The following TMEM163 variants were observed in gnomAD, a reference collection of about 807,000 sequenced individuals.
TMEM163 encodes the protein transmembrane protein 163.
In TMEM163, 17 loss-of-function variants were observed where a neutral mutation model predicts 29.3. The observed-to-expected ratio is 0.58, with a 90% confidence interval of 0.40 to 0.87. TMEM163 has a LOEUF of 0.87. Ranked by LOEUF, TMEM163 falls within the 40% of genes least tolerant of loss-of-function variation. The probability of loss-of-function intolerance (pLI) is 0.00; values close to 1 mark genes in which losing one functional copy is unlikely to be tolerated. For synonymous variants in TMEM163, 157 were observed against 160.6 expected (o/e 0.98, Z 0.17); for missense variants, 303 against 381.5 (o/e 0.79, Z 1.71).
Position 134,556,719 on chromosome 2 carries a change from G to A in TMEM163, c.323-4628C>T, listed in dbSNP as rs182486049. Among the ~76,000 whole-genome samples, 798 of 152,312 alleles carry A rather than the reference G, an allele frequency of 5.2e-3. 4 individuals carry two copies. The highest frequency in any genetic ancestry group is 0.02 in the South Asian group (95 of 4,822). On this transcript the variant is annotated intron_variant, in intron 2 of 7. Transcript: ENST00000281924. ...ACCTGTAGCCCCAGCTACTCAGGAG[G>A]CTGAGGTGGGAGGATTGCTTGAGCC...
At chr2:134,686,166 G>GA (rs1307627137) in intron 2 of TMEM163, among the ~76,000 whole-genome samples, 1 of 152,188 alleles carries the variant, frequency 6.6e-6, no homozygotes, top group Non-Finnish European at 1.5e-5. Context: ...ACCCCAGCCT[G>GA]ATAAGCCTCT....
intron 2 of TMEM163, among the ~76,000 whole-genome samples, chr2:134,640,069 T>C (rs1475329057): frequency 1.3e-5 from 2 of 152,238 alleles, no homozygotes; most frequent in Admixed American, 1.3e-4. Flanking sequence ...AACAAAGTCC[T>C]AATTTTTAAA....
intron 4 of TMEM163, among the ~76,000 whole-genome samples, chr2:134,548,172 A>T (rs909586242): frequency 2.6e-5 from 4 of 152,248 alleles, no homozygotes; most frequent in African/African-American, 4.8e-5. Flanking sequence ...CAAATATAAT[A>T]TAAGCCACAT....
intron 4 of TMEM163, among the ~76,000 whole-genome samples, chr2:134,530,358 A>G (rs1558935451): frequency 6.6e-6 from 1 of 152,142 alleles, no homozygotes; most frequent in South Asian, 2.1e-4. Context: ...TGTAACCTCA[A>G]TCAACCTCCT....
intron 2 of TMEM163, among the ~76,000 whole-genome samples, chr2:134,620,664 A>C (rs745510726): frequency 3.9e-5 from 6 of 152,220 alleles, no homozygotes; most frequent in Non-Finnish European, 4.4e-5. Flanking sequence ...AGGGAGGAAA[A>C]ATCTTTCATT....
chr2:134,672,286 A>G (rs754018018), intron 2 of TMEM163, among the ~76,000 whole-genome samples: 1 of 152,230 alleles, frequency 6.6e-6, no homozygotes, highest in Non-Finnish European at 1.5e-5. Flanking sequence ...GGCTATGACC[A>G]CATACTATAT....
At chr2:134,570,501 T>TACAC (rs1681398148) in intron 2 of TMEM163, among the ~76,000 whole-genome samples, 2 of 143,876 alleles carry the variant, frequency 1.4e-5, no homozygotes, top group African/African-American at 5.8e-5. Flanking sequence ...TACATATACA[T>TACAC]ATACATATAC....
chr2:134,637,433 T>C (rs1373426952), intron 2 of TMEM163, among the ~76,000 whole-genome samples: 1 of 152,194 alleles, frequency 6.6e-6, no homozygotes, highest in Non-Finnish European at 1.5e-5. Context: ...CAGGATGGGC[T>C]CCAGCCATTC....
intron 5 of TMEM163, among the ~76,000 whole-genome samples, chr2:134,481,378 G>T (rs1403543797): frequency 2.6e-5 from 1 of 39,050 alleles, no homozygotes; most frequent in African/African-American, 6.3e-4. Context: ...ATTGAATCAT[G>T]GGGGGGGGGG....
intron 2 of TMEM163, among the ~76,000 whole-genome samples, chr2:134,692,800 C>T (rs994639848): frequency 7.9e-5 from 12 of 152,190 alleles, no homozygotes; most frequent in African/African-American, 2.7e-4. Context: ...CCTCCAAATA[C>T]CATCACACTG....
At chr2:134,683,446 G>T (rs1380255097) in intron 2 of TMEM163, among the ~76,000 whole-genome samples, 1 of 147,906 alleles carries the variant, frequency 6.8e-6, no homozygotes, top group African/African-American at 2.5e-5. Context: ...AAAAAGAAAA[G>T]AAAATGGAAA....
At chr2:134,630,773 T>C (rs1412162343) in intron 2 of TMEM163, among the ~76,000 whole-genome samples, 2 of 152,178 alleles carry the variant, frequency 1.3e-5, no homozygotes, top group African/African-American at 2.4e-5. Flanking sequence ...CCACCTCCAG[T>C]TCCTCTTCAC....
At chr2:134,456,917 T>A (rs1025402650) in intron 7 of TMEM163, 141 bp from the exon 8 acceptor site, 1 of 826,434 alleles carries the variant, frequency 1.2e-6, no homozygotes, top group African/African-American at 1.7e-5. Flanking sequence ...TTTTAGTATA[T>A]TCATCCATTT....
At chr2:134,507,537 C>G (rs1016269121) in intron 4 of TMEM163, among the ~76,000 whole-genome samples, 3 of 152,024 alleles carry the variant, frequency 2.0e-5, no homozygotes, top group Non-Finnish European at 4.4e-5. Context: ...TTTAATAAGC[C>G]CTTCAGGTGA....
chr2:134,673,465 G>T (rs1267409367), intron 2 of TMEM163, among the ~76,000 whole-genome samples: 1 of 152,116 alleles, frequency 6.6e-6, no homozygotes, highest in African/African-American at 2.4e-5. Flanking sequence ...CCCAAACAGT[G>T]CTCCCCAAAG....
chr2:134,506,120 G>T (rs1679819357), intron 4 of TMEM163, among the ~76,000 whole-genome samples: 1 of 152,188 alleles, frequency 6.6e-6, no homozygotes, highest in Non-Finnish European at 1.5e-5. Context: ...AAAGAAATTT[G>T]TGATTTGGTT....
At chr2:134,672,092 AGT>A (rs1251694093) in intron 2 of TMEM163, among the ~76,000 whole-genome samples, 1 of 152,240 alleles carries the variant, frequency 6.6e-6, no homozygotes, top group African/African-American at 2.4e-5. Flanking sequence ...GATTATAAAA[AGT>A]GTCCTATAAA....
intron 4 of TMEM163, among the ~76,000 whole-genome samples, chr2:134,507,507 C>T (rs192120518): frequency 2.6e-5 from 4 of 152,266 alleles, no homozygotes; most frequent in East Asian, 1.9e-4. Flanking sequence ...ACTCTGGGGA[C>T]GTGGCCCCTC....
intron 2 of TMEM163, among the ~76,000 whole-genome samples, chr2:134,687,359 G>A (rs1684371048): frequency 6.6e-6 from 1 of 152,052 alleles, no homozygotes; most frequent in Admixed American, 6.6e-5. Context: ...GGACCCACAG[G>A]GATCTGTTTT....
Sources: allele counts gnomAD v4.1 joint callset (sites outside exome capture counted in the v4.1 genomes callset), GRCh38; gene constraint gnomAD v4.1.1; transcripts MANE v1.5; gene names NCBI Gene and HGNC (gene_info 2026-07-23, HGNC 2026-07-21).